Variants in SNX13 observed in about 807,000 individuals in gnomAD.
The protein encoded by SNX13 is sorting nexin 13.
SNX13 carries 45 observed loss-of-function variants against 133.6 expected under a neutral mutation model. That is an observed-to-expected ratio of 0.34 (90% CI 0.27 to 0.43). The LOEUF is 0.43. Among genes scored for constraint, SNX13 ranks in the 20% least tolerant of loss-of-function variants. The pLI is 1.00. For synonymous variants in SNX13, 414 were observed against 373.9 expected, an observed-to-expected ratio of 1.11 and a Z score of -1.24; for missense variants, 1,032 against 1,145.1, an observed-to-expected ratio of 0.90 and a Z score of 1.43.
chr7:17,926,136 A>AG (rs34869029), intron 1 of SNX13, among the ~76,000 whole-genome samples: 89,488 of 152,012 alleles, frequency 0.59, 26,861 homozygotes, highest in Non-Finnish European at 0.65. Context: ...CATAGAGCTA[A>AG]GGTAACAGAA....
At chr7:17,911,545 A>G (rs1346759409) in intron 1 of SNX13, among the ~76,000 whole-genome samples, 1 of 151,792 alleles carries the variant, frequency 6.6e-6, no homozygotes, top group African/African-American at 2.4e-5. Context: ...AGGCTAAGGC[A>G]GGAGAACTGC....
chr7:17,882,710 A>C, intron 5 of SNX13: 1 of 836,890 alleles, frequency 1.2e-6, no homozygotes. Context: ...ATGATTGAAA[A>C]GAAATCAAGA....
chr7:17,840,008 T>C lies in SNX13; in HGVS notation c.1166-8A>G, dbSNP rs572379769. ...CAGTTTGCTGCATGTAATCTAGCAA[T>C]CAAAAATCCATAATAACATAAATAT... On this transcript the variant is annotated splice_polypyrimidine_tract_variant and splice_region_variant and intron_variant, in intron 12 of 25. Transcript: ENST00000428135. 1.3e-5 allele frequency: 21 copies of C among 1,602,578 alleles called. No homozygotes were observed. In the East Asian group the frequency reaches 4.7e-4, roughly 36 times the overall value.
intron 8 of SNX13, among the ~76,000 whole-genome samples, chr7:17,869,638 T>C (rs576218158): frequency 1.8e-4 from 27 of 152,260 alleles, no homozygotes; most frequent in Middle Eastern, 6.8e-3. Flanking sequence ...ATTACCCCCA[T>C]GATGAATCAG....
At chr7:17,900,746 A>C (rs1346080868) in intron 1 of SNX13, among the ~76,000 whole-genome samples, 2 of 152,052 alleles carry the variant, frequency 1.3e-5, no homozygotes, top group African/African-American at 2.4e-5. Flanking sequence ...ATGAGATGCT[A>C]TACAAGAGCC....
intron 1 of SNX13, among the ~76,000 whole-genome samples, chr7:17,906,638 T>A (rs997398909): frequency 2.5e-4 from 38 of 152,236 alleles, no homozygotes; most frequent in Admixed American, 2.5e-3. Flanking sequence ...ATGATCAAAT[T>A]ATAATATCTT....
intron 25 of SNX13, chr7:17,796,088 A>G (rs1201534162): frequency 6.6e-6 from 1 of 151,816 alleles, no homozygotes; most frequent in East Asian, 1.9e-4. Context: ...ACATGCAGGC[A>G]TTTTCAAAGA....
At chr7:17,807,013 G>C (rs746883706) in intron 20 of SNX13, among the ~76,000 whole-genome samples, 1 of 152,170 alleles carries the variant, frequency 6.6e-6, no homozygotes, top group Non-Finnish European at 1.5e-5. Flanking sequence ...TGGGTTTCAA[G>C]CACAAAACTG....
At position 17,940,391 on chromosome 7, in the gene SNX13, C is replaced by A. The variant is rs1452716932; in HGVS notation, c.-96G>T. 6 of 1,402,288 alleles carry A rather than the reference C, an allele frequency of 4.3e-6. No individual in the cohort carries two copies. The Admixed American group carries it at 1.2e-4, about 28-fold the overall frequency. 86.9% of individuals were successfully genotyped at this position (1,402,288 alleles called of 1,614,324 possible). A position where few individuals can be genotyped will look rare whatever the true frequency, so the allele number is the denominator to read the frequency against. ...CTGCTCGGGCCGCCGCCAACGGCGG[C>A]AACTGCTCCTTCAGTCTTCTCCCGG... On this transcript the variant is annotated 5_prime_UTR_variant, in exon 1 of 26. Coordinates refer to ENST00000428135, the MANE Select transcript of SNX13 (RefSeq NM_015132.5).
At chr7:17,870,373 T>G (rs1583558882) in intron 8 of SNX13, among the ~76,000 whole-genome samples, 1 of 152,218 alleles carries the variant, frequency 6.6e-6, no homozygotes, top group Non-Finnish European at 1.5e-5. Context: ...TGAGAAATTT[T>G]AGAATTACTG....
At chr7:17,846,880 A>G (rs1253631866) in intron 11 of SNX13, among the ~76,000 whole-genome samples, 1 of 152,202 alleles carries the variant, frequency 6.6e-6, no homozygotes, top group African/African-American at 2.4e-5. Context: ...CGCTGAGGAT[A>G]AAGGTTTCTA....
chr7:17,915,460 A>T (rs2714853), intron 1 of SNX13, among the ~76,000 whole-genome samples: 3 of 151,736 alleles, frequency 2.0e-5, no homozygotes, highest in Non-Finnish European at 4.4e-5. Flanking sequence ...CCCGTCAATG[A>T]TATGCGGTAA....
intron 10 of SNX13, 93 bp from the exon 11 acceptor site, chr7:17,850,528 T>C: frequency 2.8e-6 from 2 of 726,774 alleles, no homozygotes; most frequent in Non-Finnish European, 4.2e-6. Flanking sequence ...AAATAACCAA[T>C]AATACAGCAA....
intron 5 of SNX13, among the ~76,000 whole-genome samples, chr7:17,885,930 AAATAT>A (rs1461322913): frequency 1.3e-5 from 2 of 152,194 alleles, no homozygotes; most frequent in African/African-American, 4.8e-5. Flanking sequence ...GTACTGTAAT[AAATAT>A]AATAACTGTC....
At chr7:17,881,237 A>AACACACACACACACACAC (rs58667084) in intron 5 of SNX13, 23 of 148,484 alleles carry the variant, frequency 1.5e-4, no homozygotes, top group African/African-American at 4.5e-4. Context: ...CTATATGTAC[A>AACACACACACACACACAC]ACACACACAC....
At chr7:17,896,832 T>C (rs114105230) in intron 2 of SNX13, among the ~76,000 whole-genome samples, 2,273 of 152,142 alleles carry the variant, frequency 0.015, 58 homozygotes, top group African/African-American at 0.052. Context: ...AGGGAAAACA[T>C]AAACGTACAC....
chr7:17,904,993 G>C (rs1798240318), intron 1 of SNX13, among the ~76,000 whole-genome samples: 1 of 152,050 alleles, frequency 6.6e-6, no homozygotes, highest in African/African-American at 2.4e-5. Flanking sequence ...ATGAGGGAAG[G>C]AATGGAAAAA....
chr7:17,871,331 AAGGACATGAG>A (rs1300642774), intron 8 of SNX13, among the ~76,000 whole-genome samples: 1 of 152,138 alleles, frequency 6.6e-6, no homozygotes, highest in Non-Finnish European at 1.5e-5. Context: ...CAGAGAAAAA[AAGGACATGAG>A]AGGCAGGGAG....
At chr7:17,924,761 A>AAAAT (rs1418485528) in intron 1 of SNX13, among the ~76,000 whole-genome samples, 1 of 152,222 alleles carries the variant, frequency 6.6e-6, no homozygotes, top group Non-Finnish European at 1.5e-5. Context: ...AATGTAGTAT[A>AAAAT]TCCATACAAT....
Sources: gnomAD v4.1 joint callset for allele counts (sites outside exome capture counted in the v4.1 genomes callset) on GRCh38, gnomAD v4.1.1 for gene constraint, MANE v1.5 for transcripts, NCBI Gene and HGNC (gene_info 2026-07-23, HGNC 2026-07-21) for gene names.